The following ADSS1 variants were observed in gnomAD, a reference collection of about 807,000 sequenced individuals.
The protein encoded by ADSS1 is adenylosuccinate synthase 1.
A neutral mutation model predicts 59.1 loss-of-function variants in ADSS1; 57 were observed. That is an observed-to-expected ratio of 0.97 (90% CI 0.78 to 1.20). ADSS1 has a LOEUF of 1.20. Ranked by LOEUF, ADSS1 falls within the 50% of genes most tolerant of loss-of-function variation. The pLI is 0.00. For missense variants in ADSS1, 603 were observed against 610.3 expected (o/e 0.99, Z 0.13); for synonymous variants, 247 against 249.4 (o/e 0.99, Z 0.09).
intron 1 of ADSS1, among the ~76,000 whole-genome samples, chr14:104,726,170 C>T (rs1890713446): frequency 6.6e-6 from 1 of 152,238 alleles, no homozygotes; most frequent in Non-Finnish European, 1.5e-5. Flanking sequence ...AGAGGTTTGT[C>T]CCTGGAGCCC....
chr14:104,725,623 G>A (rs1287095468), intron 1 of ADSS1, among the ~76,000 whole-genome samples: 1 of 152,170 alleles, frequency 6.6e-6, no homozygotes, highest in African/African-American at 2.4e-5. Context: ...CAGCAGGCAA[G>A]CACATCCCTC....
Position 104,740,131 on chromosome 14 carries a change from G to A in ADSS1, c.476+315G>A, listed in dbSNP as rs140388878. ...CTCCACACGGCCCCAGGGAAGACACGAGGAACACTAAAGCAGTTTAGTAGA... is the reference window on the plus strand; with the variant it reads ...CTCCACACGGCCCCAGGGAAGACACAAGGAACACTAAAGCAGTTTAGTAGA... On this transcript the variant is annotated intron_variant, in intron 5 of 12. Coordinates refer to ENST00000330877, the MANE Select transcript of ADSS1 (RefSeq NM_152328.5). This position sits in a 1 kb window ranked among gnomAD's most constrained non-coding sequence, Gnocchi z 4.8. Among the ~76,000 whole-genome samples the A allele has an allele frequency of 1.4e-3, 218 of 152,184 alleles. No homozygotes were observed. The highest frequency in any genetic ancestry group is 4.5e-3 in the African/African-American group (187 of 41,506).
Position 104,740,997 on chromosome 14 carries a change from G to C in ADSS1, c.666+77G>C. 1.2e-6 allele frequency: 2 copies of C among 1,609,766 alleles called. No individual in the cohort carries two copies. Among genetic ancestry groups the C allele is most frequent in the Non-Finnish European group, 1.7e-6 (2 of 1,177,266 alleles). On this transcript the variant is annotated intron_variant, in intron 7 of 12. Transcript: ENST00000330877. The surrounding 1 kb of genome is among the most constrained non-coding windows in gnomAD (Gnocchi z 4.8). ...CTGGATGTCCTACCTGGTGCTCGTT[G>C]AACACCCTTGGGGCACACCTGATAC...
chr14:104,743,784 G>A (rs935508615), intron 10 of ADSS1, among the ~76,000 whole-genome samples: 1 of 152,276 alleles, frequency 6.6e-6, no homozygotes, highest in Admixed American at 6.5e-5. Context: ...GGTGGGTATA[G>A]AGCTAATCCG....
At chr14:104,746,748 G>A (rs1891574988) in intron 12 of ADSS1, among the ~76,000 whole-genome samples, 1 of 152,224 alleles carries the variant, frequency 6.6e-6, no homozygotes, top group East Asian at 1.9e-4. Flanking sequence ...AAGAAGGGAG[G>A]AGACTCCTGT....
At chr14:104,733,497 G>C (rs899025289) in intron 1 of ADSS1, among the ~76,000 whole-genome samples, 2 of 152,200 alleles carry the variant, frequency 1.3e-5, no homozygotes, top group Non-Finnish European at 2.9e-5. Flanking sequence ...CAGATGCATC[G>C]TGAGGAGCTA....
intron 9 of ADSS1, among the ~76,000 whole-genome samples, chr14:104,742,821 C>T (rs559033558): frequency 6.6e-6 from 1 of 152,376 alleles, no homozygotes; most frequent in Non-Finnish European, 1.5e-5. Flanking sequence ...CTGGTGTGTT[C>T]AGGAAGAGCG....
At chr14:104,730,095 C>T (rs780252776) in intron 1 of ADSS1, 2 of 1,552,746 alleles carry the variant, frequency 1.3e-6, no homozygotes, top group Middle Eastern at 1.8e-4. Context: ...GGAGGCCCAA[C>T]TAGGGTGACG....
intron 2 of ADSS1, chr14:104,737,948 GCTA>G: frequency 4.8e-6 from 1 of 210,078 alleles, no homozygotes; most frequent in Non-Finnish European, 9.7e-6. Flanking sequence ...GAATAATGCT[GCTA>G]TGAACATAGG....
At chr14:104,739,248 C>G (rs1384953551) in intron 3 of ADSS1, 80 bp from the exon 4 acceptor site, 2 of 1,481,764 alleles carry the variant, frequency 1.3e-6, no homozygotes, top group East Asian at 4.8e-5. Flanking sequence ...GCCGGGCGAG[C>G]TAGCCCAGCT....
At chr14:104,732,523 A>C (rs1890968059) in intron 1 of ADSS1, among the ~76,000 whole-genome samples, 6 of 152,164 alleles carry the variant, frequency 3.9e-5, no homozygotes, top group Admixed American at 3.9e-4. Flanking sequence ...GTGGCCTGGC[A>C]CTGGCCCTGC....
At chr14:104,729,200 G>C (rs890808393) in intron 1 of ADSS1, among the ~76,000 whole-genome samples, 68 of 152,190 alleles carry the variant, frequency 4.5e-4, no homozygotes, top group Non-Finnish European at 5.6e-4. Context: ...GCAGGGCAGA[G>C]AAGGGCAGTG....
chr14:104,725,823 G>A (rs1204091994), intron 1 of ADSS1, among the ~76,000 whole-genome samples: 4 of 152,102 alleles, frequency 2.6e-5, no homozygotes, highest in Non-Finnish European at 5.9e-5. Context: ...CTGCTCCCGT[G>A]AGGCCCAGGC....
rs752590814 is a variant in ADSS1 at position 104,744,844 on chromosome 14, T to C, written c.1106T>C (p.Val369Ala). 1 of 1,614,194 alleles carries C rather than the reference T, an allele frequency of 6.2e-7. No individual in the cohort carries two copies. ...CTGACGAAGCTGGACATCCTGGACG[T>C]ACTGGGTGAGGTTAAAGTCGGTGTC... ...LALTKLDILD[V>A]LGEVKVGVSY... is the part of the protein sequence containing the mutation. Residue 369 changes from valine to alanine, a missense_variant, in exon 11 of 13, where the codon GTA (valine) becomes GCA (alanine). Coordinates refer to ENST00000330877, the MANE Select transcript of ADSS1 (RefSeq NM_152328.5).
At chr14:104,738,527 C>T (rs1385849771) in intron 3 of ADSS1, 89 bp downstream of exon 3, 14 of 1,448,598 alleles carry the variant, frequency 9.7e-6, no homozygotes, top group East Asian at 2.3e-5. Flanking sequence ...GTTTCTCCCA[C>T]GGAGGGGACT....
intron 1 of ADSS1, among the ~76,000 whole-genome samples, chr14:104,727,326 C>G (rs1261142836): frequency 6.6e-6 from 1 of 152,040 alleles, no homozygotes; most frequent in Non-Finnish European, 1.5e-5. Flanking sequence ...TCTGACCACA[C>G]CCCCACCTCA....
At position 104,744,792 on chromosome 14, in the gene ADSS1, G is replaced by A. The variant is rs201053087; in HGVS notation, c.1074-20G>A. 1.0e-3 allele frequency: 1,656 copies of A among 1,613,248 alleles called. 3 individuals carry two copies. The highest frequency in any genetic ancestry group is 1.3e-3 in the Non-Finnish European group (1,588 of 1,179,324). On this transcript the variant is annotated intron_variant, in intron 10 of 12. Coordinates refer to ENST00000330877, the MANE Select transcript of ADSS1 (RefSeq NM_152328.5). ...TGCTGACCACTTCTTGGGTTTGCCC[G>A]GCCCCTTGGCTTTCCACAGGCTGGC...
At chr14:104,746,848 C>T in intron 12 of ADSS1, 103 bp from the exon 13 acceptor site, 1 of 1,238,190 alleles carries the variant, frequency 8.1e-7, no homozygotes, top group Non-Finnish European at 1.2e-6. Flanking sequence ...AAAATAGCCC[C>T]TTTTACCATT....
chr14:104,740,619 G>C lies in ADSS1; in HGVS notation c.495G>C (p.Lys165Asn), dbSNP rs1291631480. ...CTTTCAGTATAGGCACCACCAAGAA[G>C]GGAATCGGACCAACCTACTCTTCCA... is the stretch of plus-strand genomic sequence containing the variant. ...QEGKNIGTTKKGIGPTYSSKA... is the reference protein window; with the variant it reads ...QEGKNIGTTKNGIGPTYSSKA... Residue 165 changes from lysine (K) to asparagine (N), a missense_variant, in exon 6 of 13, where the codon AAG becomes AAC. Coordinates refer to ENST00000330877, the MANE Select transcript of ADSS1 (RefSeq NM_152328.5). The surrounding 1 kb of genome is among the most constrained non-coding windows in gnomAD (Gnocchi z 4.8). 6.2e-7 allele frequency: 1 copy of C among 1,613,922 alleles called. No homozygotes were observed. Among genetic ancestry groups the C allele is most frequent in the Admixed American group, 1.7e-5 (1 of 60,010 alleles).
Sources: gnomAD v4.1 joint callset for allele counts (sites outside exome capture counted in the v4.1 genomes callset) on GRCh38, gnomAD v4.1.1 for gene constraint, Gnocchi (gnomAD v3.1) non-coding constraint, MANE v1.5 for transcripts, NCBI Gene and HGNC (gene_info 2026-07-23, HGNC 2026-07-21) for gene names.